ROBO2: variants seen among roughly 807,000 people sequenced by gnomAD.
ROBO2 encodes roundabout homolog 2.
Under a neutral mutation model 160.8 loss-of-function variants are expected in ROBO2, and 53 were observed. The ratio of observed to expected loss-of-function variants is 0.33; its 90% CI spans 0.26 to 0.41. The LOEUF (loss-of-function observed/expected upper bound fraction) is 0.41. Among genes scored for constraint, ROBO2 ranks in the 10% least tolerant of loss-of-function variants. ROBO2 has a pLI of 1.00. For missense variants in ROBO2, 1,577 were observed against 1,722.4 expected, an observed-to-expected ratio of 0.92 and a Z score of 1.49; for synonymous variants, 664 against 611.7, an observed-to-expected ratio of 1.09 and a Z score of -1.26.
At chr3:77,314,970 A>G (rs1343835628) in intron 2 of ROBO2, among the ~76,000 whole-genome samples, 2 of 152,172 alleles carry the variant, frequency 1.3e-5, no homozygotes, top group African/African-American at 2.4e-5. Context: ...TTTCGTATTT[A>G]TCTCATTAGC....
At chr3:77,291,247 G>A (rs1446818413) in intron 2 of ROBO2, among the ~76,000 whole-genome samples, 4 of 151,890 alleles carry the variant, frequency 2.6e-5, no homozygotes, top group Non-Finnish European at 5.9e-5. Context: ...AAGTAAAATT[G>A]ACGGTTAAAC....
chr3:77,482,105 A>C (rs541527964), intron 4 of ROBO2, among the ~76,000 whole-genome samples: 1 of 152,194 alleles, frequency 6.6e-6, no homozygotes, highest in Non-Finnish European at 1.5e-5. Context: ...ACACATATGT[A>C]TGTATGTGTA....
chr3:76,393,738 G>A (rs1428115678), intron 2 of ROBO2, among the ~76,000 whole-genome samples: 1 of 152,130 alleles, frequency 6.6e-6, no homozygotes, highest in South Asian at 2.1e-4. Flanking sequence ...GAAGCTTTTT[G>A]AGCCATCTCT....
chr3:77,371,369 C>A (rs2153476932), intron 2 of ROBO2, among the ~76,000 whole-genome samples: 1 of 152,244 alleles, frequency 6.6e-6, no homozygotes, highest in Non-Finnish European at 1.5e-5. Context: ...TTCTATGTTT[C>A]TTCTCTCTTC....
chr3:76,694,720 A>G (rs1320577545), intron 2 of ROBO2, among the ~76,000 whole-genome samples: 1 of 152,198 alleles, frequency 6.6e-6, no homozygotes, highest in Non-Finnish European at 1.5e-5. Context: ...ATATGGTGCT[A>G]TGGGAAATCA....
chr3:76,628,682 C>T (rs1387432050), intron 2 of ROBO2, among the ~76,000 whole-genome samples: 1 of 152,120 alleles, frequency 6.6e-6, no homozygotes, highest in East Asian at 1.9e-4. Flanking sequence ...CTTTAAACAG[C>T]TGTGAAAATG....
chr3:76,519,047 G>T (rs1408768711), intron 2 of ROBO2, among the ~76,000 whole-genome samples: 1 of 152,134 alleles, frequency 6.6e-6, no homozygotes, highest in Non-Finnish European at 1.5e-5. Context: ...GAAGAGGTTG[G>T]AAAAACTTCC....
At chr3:77,173,852 A>G (rs1351847658) in intron 2 of ROBO2, among the ~76,000 whole-genome samples, 1 of 152,124 alleles carries the variant, frequency 6.6e-6, no homozygotes, top group Non-Finnish European at 1.5e-5. Flanking sequence ...GTTAGAAACT[A>G]CAACCTTTGT....
chr3:76,606,576 G>C (rs1359011906), intron 2 of ROBO2, among the ~76,000 whole-genome samples: 1 of 152,086 alleles, frequency 6.6e-6, no homozygotes, highest in Non-Finnish European at 1.5e-5. Flanking sequence ...CTAAAACAAA[G>C]TCAGAAATAC....
chr3:77,359,561 C>T (rs2069624323), intron 2 of ROBO2, among the ~76,000 whole-genome samples: 2 of 152,096 alleles, frequency 1.3e-5, no homozygotes, highest in Admixed American at 1.3e-4. Context: ...AACACCATTA[C>T]CTGTGAGTCT....
At chr3:76,967,884 G>T (rs2059387990) in intron 2 of ROBO2, among the ~76,000 whole-genome samples, 1 of 152,050 alleles carries the variant, frequency 6.6e-6, no homozygotes, top group Admixed American at 6.6e-5. Context: ...CTCTTGCTAA[G>T]ATTGCTTATC....
intron 2 of ROBO2, among the ~76,000 whole-genome samples, chr3:77,344,443 G>T (rs2067405689): frequency 6.6e-6 from 1 of 152,082 alleles, no homozygotes; most frequent in Admixed American, 6.6e-5. Context: ...TGAGGGCAGA[G>T]CCCTCATGAA....
intron 2 of ROBO2, among the ~76,000 whole-genome samples, chr3:76,171,705 A>T (rs1385206366): frequency 2.0e-5 from 3 of 152,010 alleles, no homozygotes; most frequent in Non-Finnish European, 4.4e-5. Context: ...TTTTTTAGGT[A>T]GGAGAATCAG....
rs1037016839 is a variant in ROBO2 at position 76,084,065 on chromosome 3, A to T, written c.109+146463A>T. Among the ~76,000 whole-genome samples the T allele has an allele frequency of 2.0e-5, 3 of 152,148 alleles. 1 individual carries two copies. In the South Asian group the frequency reaches 6.2e-4, roughly 31 times the overall value. On this transcript the variant is annotated intron_variant, in intron 2 of 26. Transcript: ENST00000487694. ...CCATGCAGAACCAATGATATGTAGG[A>T]ATTAATGGAATTCCTAGGAAAAAGC...
At chr3:76,414,529 C>T (rs1305143326) in intron 2 of ROBO2, among the ~76,000 whole-genome samples, 2 of 147,270 alleles carry the variant, frequency 1.4e-5, no homozygotes, top group East Asian at 2.0e-4. Flanking sequence ...AAAAACCAAA[C>T]ACCGCATATT....
At chr3:77,001,986 A>T (rs2061356202) in intron 2 of ROBO2, among the ~76,000 whole-genome samples, 2 of 152,152 alleles carry the variant, frequency 1.3e-5, no homozygotes, top group South Asian at 2.1e-4. Context: ...TAATTTTTAA[A>T]TAAAAGCATT....
intron 2 of ROBO2, among the ~76,000 whole-genome samples, chr3:76,703,785 C>G (rs2093097090): frequency 6.6e-6 from 1 of 152,038 alleles, no homozygotes; most frequent in African/African-American, 2.4e-5. Flanking sequence ...TGGATTGGTT[C>G]CAACTCTTTG....
chr3:76,065,982 A>C (rs1169672097), intron 2 of ROBO2, among the ~76,000 whole-genome samples: 2 of 110,470 alleles, frequency 1.8e-5, no homozygotes, highest in Non-Finnish European at 3.7e-5. Context: ...CCCTAAGTAC[A>C]ATTTAGGATT....
chr3:76,675,112 T>C (rs921931183), intron 2 of ROBO2, among the ~76,000 whole-genome samples: 8 of 152,172 alleles, frequency 5.3e-5, no homozygotes, highest in Admixed American at 5.2e-4. Context: ...GGGCACAGCA[T>C]TGGCTGTCTT....
Sources: gnomAD v4.1 joint callset for allele counts (sites outside exome capture counted in the v4.1 genomes callset) on GRCh38, gnomAD v4.1.1 for gene constraint, MANE v1.5 for transcripts, NCBI Gene and HGNC (gene_info 2026-07-23, HGNC 2026-07-21) for gene names.